PLA2G5: variants seen among roughly 807,000 people sequenced by gnomAD.
The protein encoded by PLA2G5 is Ca2+-dependent phospholipase A2.
A neutral mutation model predicts 15.9 loss-of-function variants in PLA2G5; 12 were observed. That is an observed-to-expected ratio of 0.76 (90% confidence interval 0.48 to 1.23). The LOEUF (loss-of-function observed/expected upper bound fraction) is 1.23, where lower values mean the gene tolerates loss of function less well. Ranked by LOEUF, PLA2G5 falls within the 50% of genes most tolerant of loss-of-function variation. The pLI, the probability that PLA2G5 is intolerant of heterozygous loss-of-function variation, is 0.00. For synonymous variants in PLA2G5, 71 were observed against 71.4 expected, an observed-to-expected ratio of 0.99 and a Z score of 0.03; for missense variants, 169 against 177.1, an observed-to-expected ratio of 0.95 and a Z score of 0.26.
intron 1 of PLA2G5, among the ~76,000 whole-genome samples, chr1:20,052,461 C>T (rs1221249450): frequency 6.6e-6 from 1 of 152,154 alleles, no homozygotes; most frequent in African/African-American, 2.4e-5. Flanking sequence ...ACTTTCATAC[C>T]TGATGCATGG....
intron 1 of PLA2G5, among the ~76,000 whole-genome samples, chr1:20,040,470 A>G (rs1199899201): frequency 6.6e-6 from 1 of 152,046 alleles, no homozygotes; most frequent in Non-Finnish European, 1.5e-5. Context: ...CTGAGATGTC[A>G]TGGTTCTTTT....
chr1:20,090,763 GCC>G lies in PLA2G5; in HGVS notation c.*72_*73del. 2 of 1,536,602 alleles carry G rather than the reference GCC, an allele frequency of 1.3e-6. No homozygotes were observed. Among genetic ancestry groups the G allele is most frequent in the Non-Finnish European group, 1.8e-6 (2 of 1,112,702 alleles). On this transcript the variant is annotated 3_prime_UTR_variant, in exon 5 of 5. Transcript: ENST00000375108. ...TTCTACAACACAGAGTACTGACTCTGCCTGGTTCCTGAGAGAGGCTCCTAAGT... is the reference window on the plus strand; with the variant it reads ...TTCTACAACACAGAGTACTGACTCTGTGGTTCCTGAGAGAGGCTCCTAAGT...
At position 20,044,933 on chromosome 1, in the gene PLA2G5, G is replaced by A. The variant is rs149352590; in HGVS notation, n.277-14699G>A. ...GGGGAGGGAAAGGAGGATTTGGGAT[G>A]GGTCACATTGGGAACAGAGACTAGG... On this transcript the variant is annotated intron_variant and non_coding_transcript_variant, in intron 1 of 6. Coordinates refer to the PLA2G5 transcript ENST00000460175. Among the ~76,000 whole-genome samples, 1,231 of 152,090 alleles carry A rather than the reference G, an allele frequency of 8.1e-3. 21 individuals carry two copies. The highest frequency in any genetic ancestry group is 0.028 in the African/African-American group (1,155 of 41,472).
At chr1:20,080,169 G>A (rs1569810188) in intron 1 of PLA2G5, among the ~76,000 whole-genome samples, 2 of 152,112 alleles carry the variant, frequency 1.3e-5, no homozygotes, top group Admixed American at 1.3e-4. Context: ...TGGGTGGGAG[G>A]GAGGCTGTGC....
At chr1:20,086,313 G>A in intron 3 of PLA2G5, 86 bp downstream of exon 3, 1 of 1,383,018 alleles carries the variant, frequency 7.2e-7, no homozygotes, top group Admixed American at 2.1e-5. Flanking sequence ...TCTGGAAGAT[G>A]AGTATTAAAG....
Position 20,080,127 on chromosome 1 carries a change from C to T in PLA2G5, c.-10-4694C>T, listed in dbSNP as rs74057213. ...AGGATAAAATCTGAGCAGGAGCCCACGGCTGGGGGACTTGGCAAAGACCCA... is the reference window on the plus strand; with the variant it reads ...AGGATAAAATCTGAGCAGGAGCCCATGGCTGGGGGACTTGGCAAAGACCCA... On this transcript the variant is annotated intron_variant, in intron 1 of 4. Transcript: ENST00000375108. Among the ~76,000 whole-genome samples, 1,437 of 152,120 alleles carry T rather than the reference C, an allele frequency of 9.4e-3. 10 individuals are homozygous for T. The highest frequency in any genetic ancestry group is 0.032 in the African/African-American group (1,332 of 41,510).
chr1:20,080,459 G>A (rs562737723), intron 1 of PLA2G5, among the ~76,000 whole-genome samples: 1 of 152,312 alleles, frequency 6.6e-6, no homozygotes, highest in East Asian at 1.9e-4. Flanking sequence ...GCATGCACCT[G>A]TAATCCTAGA....
chr1:20,045,307 GC>G (rs1224811484), intron 1 of PLA2G5, among the ~76,000 whole-genome samples: 2 of 151,994 alleles, frequency 1.3e-5, no homozygotes, highest in African/African-American at 4.8e-5. Flanking sequence ...GGTGGTACTT[GC>G]CCCCCTGGGG....
chr1:20,032,906 C>T (rs190241529), intron 1 of PLA2G5, among the ~76,000 whole-genome samples: 26 of 152,252 alleles, frequency 1.7e-4, no homozygotes, highest in African/African-American at 6.3e-4. Flanking sequence ...TTTGGTGTTC[C>T]TTGCAATAGA....
intron 1 of PLA2G5, among the ~76,000 whole-genome samples, chr1:20,046,902 T>C (rs1246813668): frequency 2.6e-5 from 4 of 152,190 alleles, no homozygotes; most frequent in African/African-American, 9.6e-5. Context: ...TCTATTTACT[T>C]TTTCTCCCAA....
chr1:20,040,167 A>C (rs979778092), intron 1 of PLA2G5, among the ~76,000 whole-genome samples: 1 of 152,204 alleles, frequency 6.6e-6, no homozygotes, highest in African/African-American at 2.4e-5. Flanking sequence ...TTGCTTTACT[A>C]TACCCTTTGC....
chr1:20,083,362 T>C (rs1386654062), intron 1 of PLA2G5, among the ~76,000 whole-genome samples: 3 of 151,766 alleles, frequency 2.0e-5, no homozygotes, highest in Admixed American at 2.0e-4. Context: ...TGAAGCATGT[T>C]TGGAGGCCAG....
chr1:20,068,057 G>T (rs2015141879), upstream of PLA2G5, among the ~76,000 whole-genome samples: 1 of 152,092 alleles, frequency 6.6e-6, no homozygotes, highest in Non-Finnish European at 1.5e-5. Flanking sequence ...AGTGGAGGTT[G>T]CAGTGAACCA....
At chr1:20,068,893 G>A, upstream of PLA2G5, 1 of 1,275,894 alleles carries the variant, frequency 7.8e-7, no homozygotes, top group Non-Finnish European at 1.0e-6. Flanking sequence ...AGAAGCCTGA[G>A]GGAACACACT....
At chr1:20,063,515 C>T (rs1251135599) in intron 2 of PLA2G5, 1 of 151,718 alleles carries the variant, frequency 6.6e-6, no homozygotes, top group Non-Finnish European at 1.5e-5. Flanking sequence ...TAGACTCTTC[C>T]TTGGCTTTAA....
At chr1:20,047,550 A>G (rs868158597) in intron 1 of PLA2G5, among the ~76,000 whole-genome samples, 2 of 152,132 alleles carry the variant, frequency 1.3e-5, no homozygotes, top group African/African-American at 4.8e-5. Flanking sequence ...TATAGAGTTC[A>G]TAAGTTCTCT....
At chr1:20,040,997 A>C (rs1024212961) in intron 1 of PLA2G5, among the ~76,000 whole-genome samples, 2 of 152,200 alleles carry the variant, frequency 1.3e-5, no homozygotes, top group African/African-American at 4.8e-5. Flanking sequence ...AAAATGTATA[A>C]AAACAAACTG....
intron 1 of PLA2G5, among the ~76,000 whole-genome samples, chr1:20,072,530 G>A (rs539391914): frequency 5.3e-5 from 8 of 152,244 alleles, no homozygotes; most frequent in African/African-American, 1.9e-4. Flanking sequence ...TGAAATTAGT[G>A]AGTTTAAGGA....
At chr1:20,042,710 A>G (rs2013676425) in intron 1 of PLA2G5, among the ~76,000 whole-genome samples, 1 of 152,166 alleles carries the variant, frequency 6.6e-6, no homozygotes, top group African/African-American at 2.4e-5. Context: ...GTACCTGACC[A>G]TGCCTAGGAA....
Sources: gnomAD v4.1 joint callset for allele counts (sites outside exome capture counted in the v4.1 genomes callset) on GRCh38, gnomAD v4.1.1 for gene constraint, MANE v1.5 for transcripts, NCBI Gene and HGNC (gene_info 2026-07-23, HGNC 2026-07-21) for gene names.